The following LRRK1 variants were observed in gnomAD, a reference collection of about 807,000 sequenced individuals.
LRRK1 encodes the protein leucine-rich repeat serine/threonine-protein kinase 1.
Under a neutral mutation model 209.1 loss-of-function variants are expected in LRRK1, and 113 were observed. The observed-to-expected ratio is 0.54, with a 90% CI of 0.46 to 0.63. The LOEUF is 0.63. Ranked by LOEUF, LRRK1 falls within the 30% of genes least tolerant of loss-of-function variation. The probability of loss-of-function intolerance (pLI) is 0.00; values close to 1 mark genes in which losing one functional copy is unlikely to be tolerated. For synonymous variants in LRRK1, 1,144 were observed against 1,099.7 expected, an observed-to-expected ratio of 1.04 and a Z score of -0.80; for missense variants, 2,284 against 2,632.2, an observed-to-expected ratio of 0.87 and a Z score of 2.89.
chr15:100,978,344 G>T (rs572766074), intron 3 of LRRK1, among the ~76,000 whole-genome samples: 1 of 152,270 alleles, frequency 6.6e-6, no homozygotes, highest in African/African-American at 2.4e-5. Flanking sequence ...AGAAACAATG[G>T]CTGAAAGCTT....
intron 2 of LRRK1, among the ~76,000 whole-genome samples, chr15:100,970,628 C>T (rs140039183): frequency 3.5e-4 from 54 of 152,312 alleles, no homozygotes; most frequent in African/African-American, 1.3e-3. Flanking sequence ...CTCCAACTCT[C>T]TTCTTTTTCA....
At chr15:100,941,621 T>C (rs1010978434) in intron 2 of LRRK1, among the ~76,000 whole-genome samples, 1 of 152,054 alleles carries the variant, frequency 6.6e-6, no homozygotes, top group Admixed American at 6.6e-5. Context: ...GGTGCCTGGG[T>C]GGATGCTGAC....
At position 101,068,598 on chromosome 15, in the gene LRRK1, C is replaced by T. The variant is rs573551256; in HGVS notation, c.5871-73C>T. On this transcript the variant is annotated intron_variant, in intron 33 of 33. Transcript: ENST00000388948. ...AGCCAGCTCCGCCTTCCTCAGAAGG[C>T]ACAGGGGGAGGGTCCCAACCCCACC... 2.1e-6 allele frequency: 3 copies of T among 1,463,410 alleles called. No individual in the cohort carries two copies. In the South Asian group the frequency reaches 4.2e-5, roughly 20 times the overall value. The allele number at this position is 1,463,410 out of a possible 1,614,324, so 90.7% of individuals were successfully genotyped here.
Position 101,070,565 on chromosome 15 carries a change from G to A in LRRK1, c.*1717G>A, listed in dbSNP as rs145680152. On this transcript the variant is annotated 3_prime_UTR_variant, in exon 34 of 34. Coordinates refer to ENST00000388948, the MANE Select transcript of LRRK1 (RefSeq NM_024652.6). Reference sequence around the variant, plus strand: ...TCACGCGAGGCCAGGCTGCTTTGCAGGCACCAAAATTCACCCTCTCCTACT... The same window carrying A: ...TCACGCGAGGCCAGGCTGCTTTGCAAGCACCAAAATTCACCCTCTCCTACT... The A allele has an allele frequency of 1.3e-5, 2 of 152,132 alleles. No individual in the cohort carries two copies. The highest frequency in any genetic ancestry group is 2.9e-5 in the Non-Finnish European group (2 of 68,028). 9.4% of individuals were successfully genotyped at this position (152,132 alleles called of 1,614,324 possible).
intron 2 of LRRK1, among the ~76,000 whole-genome samples, chr15:100,939,465 G>T (rs72765018): frequency 0.2 from 29,804 of 152,094 alleles, 3,146 homozygotes; most frequent in South Asian, 0.29. Context: ...ATAGATGGTG[G>T]GTTCTTCCTC....
At chr15:100,974,445 G>C (rs1596223459) in intron 3 of LRRK1, among the ~76,000 whole-genome samples, 1 of 152,300 alleles carries the variant, frequency 6.6e-6, no homozygotes, top group South Asian at 2.1e-4. Flanking sequence ...GGTTGTTGTT[G>C]TTGTTTCTAA....
chr15:101,028,870 T>C lies in LRRK1; in HGVS notation c.2687-86T>C. 3 of 1,380,566 alleles carry C rather than the reference T, an allele frequency of 2.2e-6. No homozygotes were observed. In the South Asian group the frequency reaches 4.0e-5, roughly 18 times the overall value. The allele number at this position is 1,380,566 out of a possible 1,614,324, so 85.5% of individuals were successfully genotyped here. The stretch of plus-strand genomic sequence containing the variant: ...TTCTTCTCAGGAATAATTTGTGACC[T>C]GGGTCCTCTTGGAAAGAGGGCCACC... On this transcript the variant is annotated intron_variant, in intron 19 of 33. Coordinates refer to ENST00000388948, the MANE Select transcript of LRRK1 (RefSeq NM_024652.6).
chr15:101,050,196 A>G (rs531473211), intron 23 of LRRK1, among the ~76,000 whole-genome samples: 24 of 152,230 alleles, frequency 1.6e-4, no homozygotes, highest in Non-Finnish European at 2.8e-4. Flanking sequence ...GCAGGGATGG[A>G]GGGGAGCCGT....
At chr15:101,047,331 AG>A (rs1377017252) in intron 21 of LRRK1, among the ~76,000 whole-genome samples, 10 of 152,254 alleles carry the variant, frequency 6.6e-5, no homozygotes, top group Non-Finnish European at 5.9e-5. Flanking sequence ...TAGCGCCAGA[AG>A]GGTGCACTGA....
intron 30 of LRRK1, among the ~76,000 whole-genome samples, chr15:101,061,966 C>A (rs1459227177): frequency 6.6e-6 from 1 of 152,236 alleles, no homozygotes; most frequent in Non-Finnish European, 1.5e-5. Flanking sequence ...CAAGATCGCA[C>A]CATTGCACTC....
At chr15:100,966,290 G>A (rs2030450772) in intron 2 of LRRK1, among the ~76,000 whole-genome samples, 2 of 152,130 alleles carry the variant, frequency 1.3e-5, no homozygotes, top group South Asian at 4.1e-4. Flanking sequence ...TCCTTTCCTG[G>A]TTATTGTTTT....
intron 10 of LRRK1, among the ~76,000 whole-genome samples, chr15:101,012,902 G>GC (rs901730156): frequency 3.4e-4 from 51 of 151,902 alleles, no homozygotes; most frequent in Non-Finnish European, 1.5e-4. Flanking sequence ...GGTGCCCCCG[G>GC]GGGGGGGTGG....
chr15:101,053,582 G>C (rs1223428339), intron 26 of LRRK1, among the ~76,000 whole-genome samples, 162 bp downstream of exon 26: 1 of 152,224 alleles, frequency 6.6e-6, no homozygotes, highest in East Asian at 1.9e-4. Flanking sequence ...CAGGCTCCCC[G>C]CCAGGTCCAG....
At chr15:100,939,653 G>A (rs887540110) in intron 2 of LRRK1, among the ~76,000 whole-genome samples, 1 of 152,130 alleles carries the variant, frequency 6.6e-6, no homozygotes, top group East Asian at 1.9e-4. Flanking sequence ...TTAATTTGAG[G>A]TTGCAAAGTG....
chr15:100,951,260 A>G (rs1446853814), intron 2 of LRRK1, among the ~76,000 whole-genome samples: 1 of 152,200 alleles, frequency 6.6e-6, no homozygotes, highest in Non-Finnish European at 1.5e-5. Flanking sequence ...CACCCAACAG[A>G]AAGGACAACA....
chr15:100,971,375 A>G (rs916280534), intron 2 of LRRK1, among the ~76,000 whole-genome samples: 2 of 151,856 alleles, frequency 1.3e-5, no homozygotes, highest in Admixed American at 6.6e-5. Context: ...AGAAAAAAGA[A>G]GAAGAAAATC....
intron 2 of LRRK1, among the ~76,000 whole-genome samples, chr15:100,942,407 A>T (rs911268974): frequency 1.3e-5 from 2 of 152,126 alleles, no homozygotes; most frequent in African/African-American, 2.4e-5. Flanking sequence ...CTCTATTTCT[A>T]TTAGGGAAAA....
intron 20 of LRRK1, among the ~76,000 whole-genome samples, chr15:101,038,326 A>G (rs2034581681): frequency 6.6e-6 from 1 of 152,216 alleles, no homozygotes; most frequent in East Asian, 1.9e-4. Context: ...GAAGAACTTT[A>G]TCACGTAACC....
intron 20 of LRRK1, among the ~76,000 whole-genome samples, chr15:101,029,662 G>A (rs2034197557): frequency 6.6e-6 from 1 of 152,112 alleles, no homozygotes; most frequent in East Asian, 1.9e-4. Flanking sequence ...GAGGTCAGGA[G>A]TTCAAGTCCA....
Sources: gnomAD v4.1 joint callset for allele counts (sites outside exome capture counted in the v4.1 genomes callset) on GRCh38, gnomAD v4.1.1 for gene constraint, MANE v1.5 for transcripts, NCBI Gene and HGNC (gene_info 2026-07-23, HGNC 2026-07-21) for gene names.